The following DYNC1I1 variants were observed in gnomAD, a reference collection of about 807,000 sequenced individuals.
DYNC1I1 encodes the protein cytoplasmic dynein 1 intermediate chain 1.
DYNC1I1 carries 43 observed loss-of-function variants against 86.6 expected under a neutral mutation model. That is an observed-to-expected ratio of 0.50 (90% CI 0.39 to 0.64). The LOEUF (loss-of-function observed/expected upper bound fraction) is 0.64. Among genes scored for constraint, DYNC1I1 ranks in the 30% least tolerant of loss-of-function variants. DYNC1I1 has a pLI of 0.00. For synonymous variants in DYNC1I1, 262 were observed against 283.7 expected, an observed-to-expected ratio of 0.92 and a Z score of 0.77; for missense variants, 604 against 788.8, an observed-to-expected ratio of 0.77 and a Z score of 2.81.
chr7:96,015,237 A>G (rs1048722122), intron 10 of DYNC1I1, among the ~76,000 whole-genome samples: 1 of 152,172 alleles, frequency 6.6e-6, no homozygotes, highest in African/African-American at 2.4e-5. Flanking sequence ...TGACTGACAC[A>G]TACATTGGGT....
At chr7:95,957,389 T>C (rs1285555623) in intron 6 of DYNC1I1, among the ~76,000 whole-genome samples, 3 of 152,070 alleles carry the variant, frequency 2.0e-5, no homozygotes, top group Non-Finnish European at 4.4e-5. Context: ...AAACTGCCCC[T>C]AAAGTCAATA....
chr7:95,932,197 ACTATGTAG>A (rs547465713), intron 6 of DYNC1I1, among the ~76,000 whole-genome samples: 44 of 152,298 alleles, frequency 2.9e-4, no homozygotes, highest in Admixed American at 2.2e-3. Context: ...CCTATGGGTG[ACTATGTAG>A]CTTATATTCA....
At chr7:96,012,051 C>T (rs1011647550) in intron 10 of DYNC1I1, among the ~76,000 whole-genome samples, 1 of 152,054 alleles carries the variant, frequency 6.6e-6, no homozygotes, top group Non-Finnish European at 1.5e-5. Flanking sequence ...ATTTTATCTG[C>T]GTTGGTGGGA....
At chr7:95,846,206 T>C (rs570243385) in intron 5 of DYNC1I1, among the ~76,000 whole-genome samples, 1 of 152,312 alleles carries the variant, frequency 6.6e-6, no homozygotes, top group South Asian at 2.1e-4. Flanking sequence ...GTACCTTCCA[T>C]CCTTACTATT....
chr7:95,966,812 C>G (rs889711157), intron 6 of DYNC1I1, among the ~76,000 whole-genome samples: 6 of 152,148 alleles, frequency 3.9e-5, no homozygotes, highest in Non-Finnish European at 1.5e-5. Context: ...TCAGTAAGTA[C>G]CTGGTGACCG....
At chr7:96,067,368 A>G (rs1463359613) in intron 14 of DYNC1I1, among the ~76,000 whole-genome samples, 2 of 151,342 alleles carry the variant, frequency 1.3e-5, no homozygotes, top group Non-Finnish European at 2.9e-5. Context: ...CCCCTTTCCT[A>G]ACATAAGATG....
At chr7:95,850,551 T>A (rs2116063943) in intron 5 of DYNC1I1, among the ~76,000 whole-genome samples, 1 of 152,340 alleles carries the variant, frequency 6.6e-6, no homozygotes, top group South Asian at 2.1e-4. Flanking sequence ...AAACCATGGA[T>A]AGTACTGAGC....
intron 5 of DYNC1I1, among the ~76,000 whole-genome samples, chr7:95,855,868 T>G (rs1010274806): frequency 7.6e-6 from 1 of 131,512 alleles, no homozygotes; most frequent in African/African-American, 2.6e-5. Context: ...TGCTCTGGGT[T>G]AGTTAGTGAG....
intron 9 of DYNC1I1, among the ~76,000 whole-genome samples, chr7:95,987,951 T>A (rs1793637467): frequency 6.6e-6 from 1 of 152,212 alleles, no homozygotes; most frequent in Non-Finnish European, 1.5e-5. Context: ...ACGAAGACTT[T>A]CCATGTCTTC....
In DYNC1I1 at chr7:96,097,561, G is replaced by A. The variant is rs1791053584; in HGVS notation, c.1855G>A (p.Glu619Lys). ...AATTCGTGCTAACAGAGCTGATAGCGAGGAGGAAGGCACTGTTGAGTTATC... is the reference window on the plus strand; with the variant it reads ...AATTCGTGCTAACAGAGCTGATAGCAAGGAGGAAGGCACTGTTGAGTTATC... ...VEIRANRADS[E>K]EEGTVELSA is the part of the protein sequence containing the mutation. The change falls in exon 17 of 17, where the codon GAG (glutamate) becomes AAG (lysine). Residue 619 changes from glutamate (E) to lysine (K), a missense_variant. Coordinates refer to ENST00000447467, the MANE Select transcript of DYNC1I1 (RefSeq NM_001135556.2). 1.2e-6 allele frequency: 2 copies of A among 1,613,784 alleles called. No homozygotes were observed. Among genetic ancestry groups the A allele is most frequent in the Middle Eastern group, 1.6e-4 (1 of 6,062 alleles).
chr7:96,062,203 G>A (rs1186085279), intron 14 of DYNC1I1, among the ~76,000 whole-genome samples: 8 of 152,226 alleles, frequency 5.3e-5, no homozygotes, highest in Admixed American at 3.9e-4. Context: ...CTAAAGTAAA[G>A]TCAGGTGGTT....
chr7:95,937,789 A>AT (rs1456673478), intron 6 of DYNC1I1, among the ~76,000 whole-genome samples: 1 of 152,098 alleles, frequency 6.6e-6, no homozygotes, highest in African/African-American at 2.4e-5. Context: ...ATGACAATCC[A>AT]TTTTTAATGT....
rs114787302 is a variant in DYNC1I1, at chr7:95,995,799, T to C, written c.844-149T>C. 8,380 of 1,093,824 alleles carry C rather than the reference T, an allele frequency of 7.7e-3. 342 individuals are homozygous for C. The African/African-American group carries it at 0.087, about 11-fold the overall frequency. The allele number at this position is 1,093,824 out of a possible 1,614,324, so 67.8% of individuals were successfully genotyped here. On this transcript the variant is annotated intron_variant, in intron 9 of 16. Coordinates refer to ENST00000447467, the MANE Select transcript of DYNC1I1 (RefSeq NM_001135556.2). ...GAGGCAGAAACAAGATTGCAGGAGG[T>C]TGCAGCAGTAAGCTGATAGTAGGTA...
At chr7:95,974,128 T>C (rs906511514) in intron 6 of DYNC1I1, among the ~76,000 whole-genome samples, 1 of 152,210 alleles carries the variant, frequency 6.6e-6, no homozygotes, top group South Asian at 2.1e-4. Context: ...AAATTGAGAC[T>C]CTCCCACTCT....
At chr7:96,010,476 A>T in intron 10 of DYNC1I1, among the ~76,000 whole-genome samples, 1 of 152,222 alleles carries the variant, frequency 6.6e-6, no homozygotes, top group East Asian at 1.9e-4. Flanking sequence ...GGAAAACTAG[A>T]AGCCTCGCTT....
At chr7:95,972,070 C>T (rs1032709679) in intron 6 of DYNC1I1, among the ~76,000 whole-genome samples, 7 of 152,142 alleles carry the variant, frequency 4.6e-5, no homozygotes, top group African/African-American at 4.8e-5. Flanking sequence ...CCAGTGGACT[C>T]GTAAAACACA....
intron 6 of DYNC1I1, among the ~76,000 whole-genome samples, chr7:95,967,094 G>A (rs1327094071): frequency 6.6e-6 from 1 of 151,932 alleles, no homozygotes; most frequent in Non-Finnish European, 1.5e-5. Context: ...ACCCACATTG[G>A]GGCATACAGA....
At chr7:96,049,915 A>G (rs1422288164) in intron 14 of DYNC1I1, among the ~76,000 whole-genome samples, 3 of 151,708 alleles carry the variant, frequency 2.0e-5, no homozygotes, top group Admixed American at 6.6e-5. Flanking sequence ...TGCCTGTAGT[A>G]CCAGCTACTC....
At position 96,030,855 on chromosome 7, in the gene DYNC1I1, AAG is replaced by A. The variant is rs561016587; in HGVS notation, c.1117-1809_1117-1808del. On this transcript the variant is annotated intron_variant, in intron 11 of 16. Transcript: ENST00000447467. ...CTCTACATACACCAGAGACTTGGGAAAGAGCATTGCCTACAATCCCACAACCA... is the reference window on the plus strand; with the variant it reads ...CTCTACATACACCAGAGACTTGGGAAAGCATTGCCTACAATCCCACAACCA... Among the ~76,000 whole-genome samples the A allele has an allele frequency of 4.5e-3, 684 of 152,236 alleles. 9 individuals carry two copies. The highest frequency in any genetic ancestry group is 0.016 in the African/African-American group (648 of 41,552).
Sources: allele counts gnomAD v4.1 joint callset (sites outside exome capture counted in the v4.1 genomes callset), GRCh38; gene constraint gnomAD v4.1.1; transcripts MANE v1.5; gene names NCBI Gene and HGNC (gene_info 2026-07-23, HGNC 2026-07-21).